The following GPR176 variants were observed in gnomAD, a reference collection of about 807,000 sequenced individuals.
GPR176 encodes the protein G protein-coupled receptor 176.
A neutral mutation model predicts 35.4 loss-of-function variants in GPR176; 26 were observed. The observed-to-expected ratio is 0.74, with a 90% CI of 0.54 to 1.02. The LOEUF (loss-of-function observed/expected upper bound fraction) is 1.02. GPR176 is among the 50% of genes least tolerant of loss of function. The probability of loss-of-function intolerance (pLI) is 0.00; values close to 1 mark genes in which losing one functional copy is unlikely to be tolerated. For synonymous variants in GPR176, 278 were observed against 271.3 expected (o/e 1.02, Z -0.24); for missense variants, 597 against 665.3 (o/e 0.90, Z 1.13).
At chr15:39,914,367 A>G (rs983072525) in intron 1 of GPR176, among the ~76,000 whole-genome samples, 12 of 136,616 alleles carry the variant, frequency 8.8e-5, no homozygotes, top group African/African-American at 2.5e-4. Flanking sequence ...AGGCTGGAGT[A>G]CAGTGGCACG....
At chr15:39,907,694 C>G (rs987228735) in intron 1 of GPR176, among the ~76,000 whole-genome samples, 26 of 152,234 alleles carry the variant, frequency 1.7e-4, no homozygotes, top group African/African-American at 6.0e-4. Flanking sequence ...AGTTCATCAT[C>G]TTCTGGGGGG....
At chr15:39,871,403 T>C (rs1309597151) in intron 1 of GPR176, among the ~76,000 whole-genome samples, 1 of 152,166 alleles carries the variant, frequency 6.6e-6, no homozygotes, top group Non-Finnish European at 1.5e-5. Flanking sequence ...TAATAAACCA[T>C]TCTTTGTTAA....
intron 1 of GPR176, among the ~76,000 whole-genome samples, chr15:39,891,473 C>G (rs2032870389): frequency 6.6e-6 from 1 of 152,124 alleles, no homozygotes; most frequent in Non-Finnish European, 1.5e-5. Context: ...CTCATTTCAG[C>G]CTTCCAAGTA....
intron 1 of GPR176, among the ~76,000 whole-genome samples, chr15:39,848,665 G>A (rs568944036): frequency 1.3e-5 from 2 of 152,110 alleles, no homozygotes; most frequent in South Asian, 4.2e-4. Context: ...AAAGACAACA[G>A]AAAAATCTTC....
At chr15:39,845,164 G>T (rs1325728178) in intron 1 of GPR176, among the ~76,000 whole-genome samples, 1 of 152,032 alleles carries the variant, frequency 6.6e-6, no homozygotes, top group African/African-American at 2.4e-5. Flanking sequence ...CCAGGTTCAG[G>T]CCCATAAGGT....
intron 1 of GPR176, among the ~76,000 whole-genome samples, chr15:39,918,825 T>C (rs1230074911): frequency 6.6e-6 from 1 of 152,240 alleles, no homozygotes; most frequent in Non-Finnish European, 1.5e-5. Flanking sequence ...TCTGAAATTC[T>C]TCTAAAAATA....
rs960305748 is a variant in GPR176, at chr15:39,821,228, A to C, written c.173-13970T>G. 3.9e-5 allele frequency among the ~76,000 whole-genome samples: 6 copies of C among 152,214 alleles called. No individual in the cohort carries two copies. The South Asian group carries it at 1.0e-3, about 26-fold the overall frequency. On this transcript the variant is annotated intron_variant, in intron 1 of 2. Transcript: ENST00000561100. Reference sequence around the variant, plus strand: ...AAAATGCTATTAGCCTGTTTAATGCAGTAAGATCAATGAGGAGATGTGACC... The same window carrying C: ...AAAATGCTATTAGCCTGTTTAATGCCGTAAGATCAATGAGGAGATGTGACC...
intron 1 of GPR176, among the ~76,000 whole-genome samples, chr15:39,914,114 T>A (rs1393855673): frequency 6.6e-6 from 1 of 152,238 alleles, no homozygotes; most frequent in Non-Finnish European, 1.5e-5. Context: ...GGATTCTATA[T>A]TGTATGAATT....
intron 1 of GPR176, among the ~76,000 whole-genome samples, chr15:39,823,597 T>C (rs966187877): frequency 6.6e-6 from 1 of 152,092 alleles, no homozygotes; most frequent in Non-Finnish European, 1.5e-5. Context: ...CCCACACTGC[T>C]CCTCCAGCCC....
intron 1 of GPR176, chr15:39,829,299 G>C (rs1900904185): frequency 1.4e-6 from 2 of 1,395,514 alleles, no homozygotes; most frequent in Non-Finnish European, 1.9e-6. Context: ...AACTTGGTGA[G>C]AGTAAGAAAG....
intron 1 of GPR176, among the ~76,000 whole-genome samples, chr15:39,842,047 T>C (rs2030032680): frequency 6.6e-6 from 1 of 152,138 alleles, no homozygotes; most frequent in Non-Finnish European, 1.5e-5. Flanking sequence ...TCTGAACGTC[T>C]GTGTCCCCCT....
chr15:39,807,829 A>G (rs1189776289), intron 1 of GPR176, among the ~76,000 whole-genome samples: 14 of 152,240 alleles, frequency 9.2e-5, no homozygotes, highest in Admixed American at 9.2e-4. Context: ...TCAAAATGCA[A>G]TGTGCATTTT....
intron 1 of GPR176, among the ~76,000 whole-genome samples, chr15:39,902,415 T>A (rs1010007236): frequency 1.3e-5 from 2 of 152,176 alleles, no homozygotes; most frequent in African/African-American, 4.8e-5. Context: ...AATAATAGCA[T>A]CCTGCAGAGA....
At chr15:39,828,860 G>A (rs749789638) in intron 1 of GPR176, among the ~76,000 whole-genome samples, 4 of 152,158 alleles carry the variant, frequency 2.6e-5, no homozygotes, top group South Asian at 2.1e-4. Flanking sequence ...TGTCCTCCCC[G>A]TCACAGTGTA....
At chr15:39,860,190 G>A (rs982664613) in intron 1 of GPR176, among the ~76,000 whole-genome samples, 3 of 152,232 alleles carry the variant, frequency 2.0e-5, no homozygotes, top group Non-Finnish European at 4.4e-5. Flanking sequence ...ATTAGTGGAT[G>A]AGAGGATGGG....
intron 1 of GPR176, among the ~76,000 whole-genome samples, chr15:39,849,758 A>C (rs1020502928): frequency 2.6e-5 from 4 of 152,168 alleles, no homozygotes; most frequent in Non-Finnish European, 5.9e-5. Context: ...CGTGATAAAC[A>C]TTTACAGAAC....
At position 39,800,959 on chromosome 15, in the gene GPR176, G is replaced by C; in HGVS notation, c.*173C>G. 1.6e-6 allele frequency: 1 copy of C among 615,904 alleles called. No individual in the cohort carries two copies. The highest frequency in any genetic ancestry group is 2.9e-6 in the Non-Finnish European group (1 of 349,638). 38.2% of individuals were successfully genotyped at this position (615,904 alleles called of 1,614,324 possible). On this transcript the variant is annotated 3_prime_UTR_variant, in exon 3 of 3. Transcript: ENST00000561100. ...GATACATATACTCCCTCAATAAAGA[G>C]GACACTGGATTTTATGTAGATTTCC... is the stretch of plus-strand genomic sequence containing the variant.
At chr15:39,885,240 A>G (rs1451581284) in intron 1 of GPR176, among the ~76,000 whole-genome samples, 1 of 152,208 alleles carries the variant, frequency 6.6e-6, no homozygotes, top group African/African-American at 2.4e-5. Context: ...CTCCTCAGCA[A>G]CCTCTGAGGG....
At chr15:39,848,253 G>T (rs2030588749) in intron 1 of GPR176, among the ~76,000 whole-genome samples, 1 of 152,022 alleles carries the variant, frequency 6.6e-6, no homozygotes, top group African/African-American at 2.4e-5. Context: ...GTGATAAAAG[G>T]GTCAATCAAA....
Sources: allele counts gnomAD v4.1 joint callset (sites outside exome capture counted in the v4.1 genomes callset), GRCh38; gene constraint gnomAD v4.1.1; transcripts MANE v1.5; gene names NCBI Gene and HGNC (gene_info 2026-07-23, HGNC 2026-07-21).